Variants in FAF1 observed in about 807,000 individuals in gnomAD.
The protein encoded by FAF1 is FAS-associated factor 1.
In FAF1, 25 loss-of-function variants were observed where a neutral mutation model predicts 92.5. The ratio of observed to expected loss-of-function variants is 0.27; its 90% CI spans 0.20 to 0.38. FAF1 has a LOEUF of 0.38. Ranked by LOEUF, FAF1 falls within the 10% of genes least tolerant of loss-of-function variation. The probability of loss-of-function intolerance (pLI) is 1.00; values close to 1 mark genes in which losing one functional copy is unlikely to be tolerated. For missense variants in FAF1, 636 were observed against 793.3 expected, an observed-to-expected ratio of 0.80 and a Z score of 2.38; for synonymous variants, 234 against 273.2, an observed-to-expected ratio of 0.86 and a Z score of 1.42.
chr1:50,636,227 T>G (rs1654000499), intron 8 of FAF1, among the ~76,000 whole-genome samples: 2 of 152,108 alleles, frequency 1.3e-5, no homozygotes, highest in African/African-American at 2.4e-5. Flanking sequence ...TTTTTATATA[T>G]CTATACAATC....
At chr1:50,846,505 A>G in intron 2 of FAF1, 4 of 495,942 alleles carry the variant, frequency 8.1e-6, no homozygotes, top group South Asian at 4.6e-5. Context: ...CCTGAAAGCC[A>G]TGCCGCGGCC....
intron 1 of FAF1, among the ~76,000 whole-genome samples, chr1:50,931,567 T>C (rs1163351905): frequency 6.6e-6 from 1 of 152,092 alleles, no homozygotes; most frequent in East Asian, 1.9e-4. Context: ...ACTTATTCAC[T>C]ATCACAAGAA....
At chr1:50,552,942 A>G (rs1649380591) in intron 13 of FAF1, among the ~76,000 whole-genome samples, 1 of 152,186 alleles carries the variant, frequency 6.6e-6, no homozygotes, top group African/African-American at 2.4e-5. Flanking sequence ...AAGAGAAGAG[A>G]AAAGACAGTG....
At chr1:50,550,755 G>A (rs768342553) in intron 13 of FAF1, among the ~76,000 whole-genome samples, 21 of 152,160 alleles carry the variant, frequency 1.4e-4, no homozygotes, top group Non-Finnish European at 2.9e-4. Flanking sequence ...TCTGTCTTCT[G>A]CAAAACAACA....
At chr1:50,697,406 T>C (rs1308138433) in intron 7 of FAF1, among the ~76,000 whole-genome samples, 3 of 152,178 alleles carry the variant, frequency 2.0e-5, no homozygotes, top group Non-Finnish European at 2.9e-5. Flanking sequence ...TCATGATAAA[T>C]AATATCATTA....
intron 1 of FAF1, among the ~76,000 whole-genome samples, chr1:50,936,498 G>A (rs747682002): frequency 1.3e-4 from 20 of 152,144 alleles, no homozygotes; most frequent in Non-Finnish European, 2.2e-4. Context: ...ACAAAATGAC[G>A]TAAGTTCAAG....
intron 1 of FAF1, among the ~76,000 whole-genome samples, chr1:50,954,219 G>A (rs1223564486): frequency 1.3e-5 from 2 of 151,990 alleles, no homozygotes; most frequent in African/African-American, 2.4e-5. Context: ...AGGCCACCAC[G>A]CCAGGCCAAG....
intron 8 of FAF1, among the ~76,000 whole-genome samples, chr1:50,601,576 G>T (rs1049968958): frequency 5.3e-5 from 8 of 152,036 alleles, no homozygotes; most frequent in African/African-American, 1.7e-4. Context: ...CAGGCACTCG[G>T]GAGGCTGAGG....
intron 8 of FAF1, among the ~76,000 whole-genome samples, chr1:50,633,021 C>T (rs1297042526): frequency 6.6e-6 from 1 of 152,032 alleles, no homozygotes; most frequent in East Asian, 1.9e-4. Context: ...TATTGCAATG[C>T]TGAGAATAGT....
At chr1:50,724,329 A>C (rs932810993) in intron 6 of FAF1, among the ~76,000 whole-genome samples, 9 of 148,252 alleles carry the variant, frequency 6.1e-5, no homozygotes, top group South Asian at 2.2e-4. Context: ...ACACACACAC[A>C]CCCCTGCTCA....
At chr1:50,859,383 T>C (rs1304079457) in intron 1 of FAF1, among the ~76,000 whole-genome samples, 1 of 151,736 alleles carries the variant, frequency 6.6e-6, no homozygotes, top group African/African-American at 2.4e-5. Flanking sequence ...GCAAAAAGGA[T>C]CCTGGAACCG....
chr1:50,725,646 G>A (rs1438078555), intron 6 of FAF1, among the ~76,000 whole-genome samples: 1 of 151,958 alleles, frequency 6.6e-6, no homozygotes, highest in African/African-American at 2.4e-5. Flanking sequence ...AGTAAAGAAG[G>A]GGTTTCGCCA....
intron 6 of FAF1, among the ~76,000 whole-genome samples, chr1:50,706,597 T>G (rs1657683608): frequency 6.6e-6 from 1 of 151,986 alleles, no homozygotes. Flanking sequence ...GTCAATTATA[T>G]CAAATTCCAA....
At chr1:50,941,543 G>A (rs1557597952) in intron 1 of FAF1, among the ~76,000 whole-genome samples, 1 of 152,018 alleles carries the variant, frequency 6.6e-6, no homozygotes, top group Non-Finnish European at 1.5e-5. Context: ...GTTTTTTGTA[G>A]AGACAAGATC....
At chr1:50,483,140 T>G (rs923286417) in intron 17 of FAF1, among the ~76,000 whole-genome samples, 2 of 152,214 alleles carry the variant, frequency 1.3e-5, no homozygotes, top group Admixed American at 6.5e-5. Flanking sequence ...ATTACCCATT[T>G]TGAGTTAATT....
chr1:50,635,471 G>A (rs1653967286), intron 8 of FAF1, among the ~76,000 whole-genome samples: 1 of 152,142 alleles, frequency 6.6e-6, no homozygotes, highest in Non-Finnish European at 1.5e-5. Flanking sequence ...TGTCACCCAG[G>A]CTGGAGTGCA....
intron 6 of FAF1, among the ~76,000 whole-genome samples, chr1:50,707,650 C>T (rs1188258551): frequency 3.3e-5 from 5 of 150,708 alleles, no homozygotes; most frequent in African/African-American, 9.8e-5. Flanking sequence ...GCTGAGATGG[C>T]ACCACTGCAC....
chr1:50,648,219 T>C (rs140269035), intron 8 of FAF1, among the ~76,000 whole-genome samples: 1,980 of 152,040 alleles, frequency 0.013, 42 homozygotes, highest in African/African-American at 0.044. Context: ...GATCGTGCCA[T>C]TGCACTCCAG....
At chr1:50,795,469 T>G (rs184220815) in intron 3 of FAF1, among the ~76,000 whole-genome samples, 1 of 152,278 alleles carries the variant, frequency 6.6e-6, no homozygotes. Flanking sequence ...TGCCATTACC[T>G]AGGAGCAGCT....
Sources: gnomAD v4.1 joint callset for allele counts (sites outside exome capture counted in the v4.1 genomes callset) on GRCh38, gnomAD v4.1.1 for gene constraint, MANE v1.5 for transcripts, NCBI Gene and HGNC (gene_info 2026-07-23, HGNC 2026-07-21) for gene names.